The following CPNE4 variants were observed in gnomAD, a reference collection of about 807,000 sequenced individuals.
CPNE4 encodes the protein copine-4.
CPNE4 carries 25 observed loss-of-function variants against 67.9 expected under a neutral mutation model. That is an observed-to-expected ratio of 0.37 (90% confidence interval 0.27 to 0.51). The LOEUF (loss-of-function observed/expected upper bound fraction) is 0.51, where lower values mean the gene tolerates loss of function less well. CPNE4 is among the 20% of genes least tolerant of loss of function. The pLI is 0.93. For missense variants in CPNE4, 464 were observed against 690.8 expected (o/e 0.67, Z 3.68); for synonymous variants, 242 against 244.9 (o/e 0.99, Z 0.11).
At chr3:131,963,387 C>G (rs2072241780) in intron 1 of CPNE4, among the ~76,000 whole-genome samples, 1 of 152,050 alleles carries the variant, frequency 6.6e-6, no homozygotes, top group East Asian at 1.9e-4. Flanking sequence ...CCCAGCGAGA[C>G]AGAACCGTTC....
At chr3:131,713,105 A>G (rs1164977416) in intron 3 of CPNE4, among the ~76,000 whole-genome samples, 1 of 150,510 alleles carries the variant, frequency 6.6e-6, no homozygotes, top group Admixed American at 6.7e-5. Flanking sequence ...AAGGATTAGG[A>G]TCAGGACAGG....
intron 1 of CPNE4, among the ~76,000 whole-genome samples, chr3:131,963,227 C>T (rs2072236713): frequency 6.6e-6 from 1 of 152,144 alleles, no homozygotes; most frequent in Non-Finnish European, 1.5e-5. Flanking sequence ...ATGCTTCCCC[C>T]ATGGTTTTTA....
chr3:131,588,638 C>T lies in CPNE4; in HGVS notation c.682-1056G>A, dbSNP rs142506733. On this transcript the variant is annotated intron_variant, in intron 7 of 15. Transcript: ENST00000429747. ...ATGCCTCATAGATCTATAATATGATCTGTCTAAAATGAAACATTGTTTCCC... is the reference window on the plus strand; with the variant it reads ...ATGCCTCATAGATCTATAATATGATTTGTCTAAAATGAAACATTGTTTCCC... Among the ~76,000 whole-genome samples, 380 of 152,296 alleles carry T rather than the reference C, an allele frequency of 2.5e-3. 8 individuals carry two copies. The highest frequency in any genetic ancestry group is 0.02 in the Admixed American group (304 of 15,292).
intron 12 of CPNE4, among the ~76,000 whole-genome samples, chr3:131,554,684 C>T (rs780260819): frequency 3.1e-4 from 47 of 151,152 alleles, no homozygotes; most frequent in African/African-American, 1.1e-3. Context: ...CAAATGTCAG[C>T]ATCTACCTCC....
intron 2 of CPNE4, among the ~76,000 whole-genome samples, chr3:131,772,373 T>A (rs188607790): frequency 3.3e-5 from 5 of 152,266 alleles, no homozygotes; most frequent in Non-Finnish European, 5.9e-5. Flanking sequence ...CTCAAGAGTG[T>A]TGCCACAGTA....
chr3:131,741,004 C>T (rs780103770), intron 2 of CPNE4, among the ~76,000 whole-genome samples: 25 of 152,156 alleles, frequency 1.6e-4, no homozygotes, highest in Non-Finnish European at 2.6e-4. Flanking sequence ...CTCTTATTTC[C>T]TTCAGATCCG....
At chr3:131,857,292 T>C (rs974635827) in intron 2 of CPNE4, among the ~76,000 whole-genome samples, 1 of 152,070 alleles carries the variant, frequency 6.6e-6, no homozygotes, top group African/African-American at 2.4e-5. Flanking sequence ...GGGTGCTTTC[T>C]TCACTCTAAA....
intron 2 of CPNE4, among the ~76,000 whole-genome samples, chr3:131,767,438 T>A (rs2083049755): frequency 6.6e-6 from 1 of 152,100 alleles, no homozygotes; most frequent in African/African-American, 2.4e-5. Context: ...CAGGACTCAA[T>A]AAAGAAGGGC....
intron 1 of CPNE4, among the ~76,000 whole-genome samples, chr3:132,028,918 A>C (rs6765804): frequency 0.28 from 41,529 of 146,308 alleles, 5,974 homozygotes; most frequent in East Asian, 0.38. Context: ...TATATTCTTA[A>C]TTTTTCTTTT....
At chr3:131,877,483 G>A (rs368244872) in intron 2 of CPNE4, among the ~76,000 whole-genome samples, 50 of 152,092 alleles carry the variant, frequency 3.3e-4, no homozygotes, top group East Asian at 1.5e-3. Context: ...TCTGATACTC[G>A]TAGCTGAAAA....
chr3:131,585,408 T>C (rs1051805717), intron 8 of CPNE4, among the ~76,000 whole-genome samples: 3 of 152,172 alleles, frequency 2.0e-5, no homozygotes, highest in Non-Finnish European at 2.9e-5. Context: ...TATTTCCCAC[T>C]GTATAACTAC....
At chr3:131,981,229 G>A (rs1458939193) in intron 1 of CPNE4, among the ~76,000 whole-genome samples, 10 of 151,992 alleles carry the variant, frequency 6.6e-5, no homozygotes, top group African/African-American at 1.9e-4. Flanking sequence ...GGGAGGAACC[G>A]GTGGTGGGTG....
chr3:131,925,006 T>G (rs2070854844), intron 1 of CPNE4, among the ~76,000 whole-genome samples: 1 of 152,174 alleles, frequency 6.6e-6, no homozygotes, highest in Non-Finnish European at 1.5e-5. Context: ...AAGCACTGAT[T>G]GCAAGATTTT....
At chr3:131,966,111 C>G (rs2072335753) in intron 1 of CPNE4, among the ~76,000 whole-genome samples, 1 of 152,172 alleles carries the variant, frequency 6.6e-6, no homozygotes, top group African/African-American at 2.4e-5. Flanking sequence ...ACAACCTACT[C>G]CTGAATGACT....
chr3:131,674,450 C>G (rs1199310100), intron 6 of CPNE4, among the ~76,000 whole-genome samples: 1 of 151,930 alleles, frequency 6.6e-6, no homozygotes, highest in African/African-American at 2.4e-5. Context: ...CCATCAGTTT[C>G]CAGGCTTTTC....
At chr3:131,578,100 TTA>T (rs1234020110) in intron 9 of CPNE4, among the ~76,000 whole-genome samples, 13 of 152,238 alleles carry the variant, frequency 8.5e-5, no homozygotes, top group South Asian at 8.3e-4. Flanking sequence ...TTATTGAGCT[TTA>T]TATTTTTTAC....
At chr3:131,736,712 C>T (rs2082243157) in intron 2 of CPNE4, among the ~76,000 whole-genome samples, 1 of 150,796 alleles carries the variant, frequency 6.6e-6, no homozygotes, top group African/African-American at 2.4e-5. Context: ...CATTGTTTTA[C>T]TTGAACCATG....
At chr3:131,872,430 C>T (rs540527378) in intron 2 of CPNE4, among the ~76,000 whole-genome samples, 5 of 152,068 alleles carry the variant, frequency 3.3e-5, no homozygotes, top group African/African-American at 1.2e-4. Context: ...GCTTATGTCC[C>T]AGTTTGAAGG....
chr3:131,987,297 G>A (rs1032376879), intron 1 of CPNE4, among the ~76,000 whole-genome samples: 16 of 152,188 alleles, frequency 1.1e-4, no homozygotes, highest in Admixed American at 8.5e-4. Context: ...TGCTGGAAAT[G>A]TTCTACATTT....
Sources: gnomAD v4.1 joint callset for allele counts (sites outside exome capture counted in the v4.1 genomes callset) on GRCh38, gnomAD v4.1.1 for gene constraint, MANE v1.5 for transcripts, NCBI Gene and HGNC (gene_info 2026-07-23, HGNC 2026-07-21) for gene names.